COL14A1: variants seen among roughly 807,000 people sequenced by gnomAD.
COL14A1 encodes the protein collagen type XIV alpha 1 chain.
Under a neutral mutation model 230.3 loss-of-function variants are expected in COL14A1, and 136 were observed. The ratio of observed to expected loss-of-function variants is 0.59; its 90% CI spans 0.51 to 0.68. The LOEUF (loss-of-function observed/expected upper bound fraction) is 0.68, where lower values mean the gene tolerates loss of function less well. Among genes scored for constraint, COL14A1 ranks in the 30% least tolerant of loss-of-function variants. The probability of loss-of-function intolerance (pLI) is 0.00; values close to 1 mark genes in which losing one functional copy is unlikely to be tolerated. For synonymous variants in COL14A1, 792 were observed against 784.1 expected (o/e 1.01, Z -0.17); for missense variants, 1,976 against 2,215.8 (o/e 0.89, Z 2.17).
intron 15 of COL14A1, 139 bp from the exon 16 acceptor site, chr8:120,226,488 G>C: frequency 1.4e-6 from 1 of 711,852 alleles, no homozygotes; most frequent in Admixed American, 2.9e-5. Context: ...GGACTGATGG[G>C]CCCCAGTTTT....
intron 38 of COL14A1, 33 bp downstream of exon 38, chr8:120,314,060 ATTG>A (rs751198581): frequency 1.4e-6 from 2 of 1,439,622 alleles, no homozygotes; most frequent in Non-Finnish European, 1.9e-6. Context: ...GACGGGTTTT[ATTG>A]TTATCTCTTT....
chr8:120,314,485 T>C (rs563871638), intron 38 of COL14A1, among the ~76,000 whole-genome samples: 43 of 152,334 alleles, frequency 2.8e-4, no homozygotes, highest in African/African-American at 9.9e-4. Context: ...AGAGTTTAGA[T>C]TTTTAGATGA....
At chr8:120,247,097 T>C (rs1481153093) in intron 20 of COL14A1, among the ~76,000 whole-genome samples, 1 of 152,224 alleles carries the variant, frequency 6.6e-6, no homozygotes, top group East Asian at 1.9e-4. Flanking sequence ...CAGATAAAAG[T>C]ATTTTGTTCT....
intron 20 of COL14A1, 22 bp from the exon 21 acceptor site, chr8:120,247,591 T>A: frequency 1.2e-6 from 2 of 1,602,316 alleles, no homozygotes; most frequent in Non-Finnish European, 1.7e-6. Context: ...AATCCCTGTT[T>A]TTCCTTTTCT....
At position 120,344,482 on chromosome 8, in the gene COL14A1, G is replaced by A. The variant is rs183238981; in HGVS notation, c.4889-893G>A. ...CATGTCAAAGGCAGAAACTGAAAAAGCAAATGAGGAAATGTCTCACCTGCC... is the reference window on the plus strand; with the variant it reads ...CATGTCAAAGGCAGAAACTGAAAAAACAAATGAGGAAATGTCTCACCTGCC... On this transcript the variant is annotated intron_variant, in intron 44 of 47. Coordinates refer to ENST00000297848, the MANE Select transcript of COL14A1 (RefSeq NM_021110.4). 6.7e-3 allele frequency among the ~76,000 whole-genome samples: 1,014 copies of A among 152,278 alleles called. 7 individuals carry two copies. The highest frequency in any genetic ancestry group is 0.012 in the Non-Finnish European group (811 of 68,020).
intron 22 of COL14A1, among the ~76,000 whole-genome samples, chr8:120,252,351 C>G (rs1317748985): frequency 6.6e-6 from 1 of 152,156 alleles, no homozygotes; most frequent in Non-Finnish European, 1.5e-5. Flanking sequence ...TTCCAAACCT[C>G]CCGTCTTTAG....
At chr8:120,132,716 T>G (rs1814571658) in intron 1 of COL14A1, among the ~76,000 whole-genome samples, 1 of 152,134 alleles carries the variant, frequency 6.6e-6, no homozygotes, top group African/African-American at 2.4e-5. Flanking sequence ...AGTATTCTTA[T>G]TTTAATGATA....
chr8:120,322,798 T>C (rs1361355513), intron 40 of COL14A1, among the ~76,000 whole-genome samples: 1 of 152,222 alleles, frequency 6.6e-6, no homozygotes, highest in Non-Finnish European at 1.5e-5. Flanking sequence ...CAGTCTATCA[T>C]TGATGGGCAT....
At chr8:120,146,089 T>G (rs563611283) in intron 1 of COL14A1, among the ~76,000 whole-genome samples, 1 of 152,222 alleles carries the variant, frequency 6.6e-6, no homozygotes, top group Non-Finnish European at 1.5e-5. Flanking sequence ...CTCTGTGACT[T>G]GGGCAACTTC....
At chr8:120,330,604 G>A (rs751088729) in intron 40 of COL14A1, among the ~76,000 whole-genome samples, 3 of 152,116 alleles carry the variant, frequency 2.0e-5, no homozygotes, top group African/African-American at 7.2e-5. Flanking sequence ...CTCCCACTGC[G>A]TCACTCTCAT....
intron 35 of COL14A1, among the ~76,000 whole-genome samples, chr8:120,297,921 A>G (rs1820577028): frequency 6.6e-6 from 1 of 152,104 alleles, no homozygotes; most frequent in Non-Finnish European, 1.5e-5. Flanking sequence ...ATGAAATAAT[A>G]GGTCCAAACA....
chr8:120,149,405 T>A, intron 2 of COL14A1, among the ~76,000 whole-genome samples: 1 of 152,168 alleles, frequency 6.6e-6, no homozygotes, highest in East Asian at 1.9e-4. Context: ...GGCAGTTTGG[T>A]AGACACATTC....
chr8:120,198,590 A>G (rs1368079380), intron 7 of COL14A1, among the ~76,000 whole-genome samples: 1 of 152,168 alleles, frequency 6.6e-6, no homozygotes, highest in African/African-American at 2.4e-5. Flanking sequence ...TCATTGAAGC[A>G]TTTCAGGTTT....
intron 5 of COL14A1, among the ~76,000 whole-genome samples, chr8:120,192,534 T>A (rs1414393940): frequency 6.6e-6 from 1 of 152,206 alleles, no homozygotes; most frequent in East Asian, 1.9e-4. Context: ...TTGGAGTTGC[T>A]CTTCTCGAGG....
At chr8:120,327,946 T>C (rs1169907248) in intron 40 of COL14A1, among the ~76,000 whole-genome samples, 1 of 151,850 alleles carries the variant, frequency 6.6e-6, no homozygotes, top group African/African-American at 2.4e-5. Context: ...TGTATTTTAG[T>C]AGAGACAGGG....
intron 19 of COL14A1, 22 bp downstream of exon 19, chr8:120,231,640 T>C (rs1586788011): frequency 9.3e-6 from 15 of 1,608,348 alleles, no homozygotes; most frequent in African/African-American, 1.3e-5. Context: ...TTCAACTGAC[T>C]AGAAACTCTG....
chr8:120,166,292 A>T (rs140939922), intron 4 of COL14A1, among the ~76,000 whole-genome samples: 2 of 152,330 alleles, frequency 1.3e-5, no homozygotes, highest in Admixed American at 6.5e-5. Flanking sequence ...GTAGGACTGG[A>T]AACTGTGTCA....
At chr8:120,223,659 A>G (rs888394517) in intron 14 of COL14A1, among the ~76,000 whole-genome samples, 1 of 152,168 alleles carries the variant, frequency 6.6e-6, no homozygotes, top group Non-Finnish European at 1.5e-5. Context: ...GACAAGAGCA[A>G]GAACCTGTCT....
chr8:120,266,503 G>A (rs1429174131), intron 24 of COL14A1, among the ~76,000 whole-genome samples: 1 of 152,056 alleles, frequency 6.6e-6, no homozygotes, highest in African/African-American at 2.4e-5. Flanking sequence ...AAAGCAACAG[G>A]AGACGAACTT....
Sources: gnomAD v4.1 joint callset for allele counts (sites outside exome capture counted in the v4.1 genomes callset) on GRCh38, gnomAD v4.1.1 for gene constraint, MANE v1.5 for transcripts, NCBI Gene and HGNC (gene_info 2026-07-23, HGNC 2026-07-21) for gene names.